Variants in MROH1 observed in about 807,000 individuals in gnomAD.
MROH1 encodes the protein maestro heat-like repeat-containing protein family member 1.
A neutral mutation model predicts 116.5 loss-of-function variants in MROH1; 117 were observed. The ratio of observed to expected loss-of-function variants is 1.00; its 90% CI spans 0.86 to 1.17. The LOEUF (loss-of-function observed/expected upper bound fraction) is 1.17. MROH1 is among the 50% of genes most tolerant of loss of function. The probability of loss-of-function intolerance (pLI) is 0.00; values close to 1 mark genes in which losing one functional copy is unlikely to be tolerated. For missense variants in MROH1, 1,873 were observed against 1,338.5 expected (o/e 1.40, Z -6.23); for synonymous variants, 921 against 583.9 (o/e 1.58, Z -8.32).
chr8:144,156,099 G>A (rs1233663194), intron 1 of MROH1, among the ~76,000 whole-genome samples: 2 of 151,994 alleles, frequency 1.3e-5, no homozygotes, highest in African/African-American at 2.4e-5. Context: ...TTAGCTGGGC[G>A]TGGGGCGCAT....
In MROH1 at chr8:144,180,506, G is replaced by T. The variant is rs774658345; in HGVS notation, c.545G>T (p.Arg182Leu). Reference sequence around the variant, plus strand: ...GGCGTGGCCAAGCAGGACACGGTGCGCGTGGCCTTCTGCTCCGGTAAGAGG... The same window carrying T: ...GGCGTGGCCAAGCAGGACACGGTGCTCGTGGCCTTCTGCTCCGGTAAGAGG... ...VLGVAKQDTV[R>L]VAFCSALQRF... The change falls in exon 7 of 44, where the codon CGC (arginine) becomes CTC (leucine). Residue 182 changes from arginine to leucine, a missense_variant. Physicochemically the swap from Arg to Leu is moderately radical, Grantham distance 102 (BLOSUM62 -2). Coordinates refer to ENST00000326134, the MANE Select transcript of MROH1 (RefSeq NM_032450.3). This position sits in a 1 kb window ranked among gnomAD's most constrained non-coding sequence, Gnocchi z 7.4. 10 of 1,610,738 alleles carry T rather than the reference G, an allele frequency of 6.2e-6. No homozygotes were observed. Among genetic ancestry groups the T allele is most frequent in the Admixed American group, 1.7e-5 (1 of 59,990 alleles).
At chr8:144,251,900 G>A in intron 33 of MROH1, 1 of 177,434 alleles carries the variant, frequency 5.6e-6, no homozygotes, top group Non-Finnish European at 1.2e-5. Context: ...GGTCTTCCCG[G>A]CCTCTGCTTA....
At chr8:144,195,217 A>AAAAAAAAAAAAAAAAAAAAC (rs1175557751) in intron 10 of MROH1, among the ~76,000 whole-genome samples, 1 of 141,046 alleles carries the variant, frequency 7.1e-6, no homozygotes. Context: ...AAAAAAAAAA[A>AAAAAAAAAAAAAAAAAAAAC]AAGGCCGAGT....
intron 4 of MROH1, among the ~76,000 whole-genome samples, chr8:144,169,351 C>G (rs919726301): frequency 1.3e-5 from 2 of 152,176 alleles, no homozygotes; most frequent in African/African-American, 4.8e-5. Context: ...ACTGCCGTGG[C>G]CTGGCGGCAC....
intron 14 of MROH1, among the ~76,000 whole-genome samples, chr8:144,224,206 C>T (rs1837360024): frequency 1.3e-5 from 2 of 152,042 alleles, no homozygotes; most frequent in Admixed American, 1.3e-4. Flanking sequence ...TTTTCTAAAA[C>T]CAAAAGAAAA....
intron 4 of MROH1, 134 bp downstream of exon 4, chr8:144,168,574 C>T (rs1210644881): frequency 3.9e-6 from 4 of 1,030,048 alleles, no homozygotes; most frequent in African/African-American, 3.1e-5. Context: ...GTCTAACCCC[C>T]TCCACACGTG....
chr8:144,208,405 G>GA (rs1174520379), intron 12 of MROH1, among the ~76,000 whole-genome samples: 1 of 16,916 alleles, frequency 5.9e-5, no homozygotes, highest in Non-Finnish European at 2.1e-4. Context: ...CTGGTGGGTG[G>GA]GGTTTTTTTT....
chr8:144,217,207 G>T (rs1835464314), intron 12 of MROH1, among the ~76,000 whole-genome samples: 1 of 152,190 alleles, frequency 6.6e-6, no homozygotes, highest in Non-Finnish European at 1.5e-5. Context: ...AGTCAGGAGT[G>T]ACAGGGGTGG....
intron 34 of MROH1, 120 bp downstream of exon 34, chr8:144,255,098 C>T: frequency 3.2e-6 from 2 of 619,226 alleles, no homozygotes; most frequent in East Asian, 2.7e-5. Context: ...CTGGAGGCAG[C>T]ACCGGGCTGG....
chr8:144,209,094 G>C lies in MROH1; in HGVS notation c.1141+8553G>C, dbSNP rs117534660. On this transcript the variant is annotated intron_variant, in intron 12 of 43. Coordinates refer to ENST00000326134, the MANE Select transcript of MROH1 (RefSeq NM_032450.3). ...GTGTGTTTAGTGGAGACGGAGTTTC[G>C]CCATGTTAGTCAGGCTGGTCTCAAA... 2.5e-3 allele frequency among the ~76,000 whole-genome samples: 375 copies of C among 148,968 alleles called. 14 individuals carry two copies. The East Asian group carries it at 0.069, about 28-fold the overall frequency.
chr8:144,195,390 T>C (rs1176391627), intron 10 of MROH1, among the ~76,000 whole-genome samples: 3 of 146,064 alleles, frequency 2.1e-5, no homozygotes, highest in African/African-American at 7.6e-5. Context: ...TAGTCCCAGC[T>C]ACTCGGGAGG....
chr8:144,255,771 C>T lies in MROH1; in HGVS notation c.3791+66C>T, dbSNP rs1006177473. ...AAGCACAGGCATGCGTGTGCACGCG[C>T]GTGGTGGGGGCGGACGGCAGATCTG... On this transcript the variant is annotated intron_variant, in intron 35 of 43. Transcript: ENST00000326134. 2.5e-4 allele frequency: 172 copies of T among 698,118 alleles called. 1 individual carries two copies. Among genetic ancestry groups the T allele is most frequent in the African/African-American group, 9.1e-4 (52 of 57,052 alleles). 43.2% of individuals were successfully genotyped at this position (698,118 alleles called of 1,614,324 possible). A position where few individuals can be genotyped will look rare whatever the true frequency, so the allele number is the denominator to read the frequency against.
rs1448941041 is a variant in MROH1, at chr8:144,232,772, C to G, written c.1339-5984C>G. Among the ~76,000 whole-genome samples the G allele has an allele frequency of 2.6e-5, 4 of 151,686 alleles. 1 individual carries two copies. The highest frequency in any genetic ancestry group is 2.6e-4 in the Admixed American group (4 of 15,224). On this transcript the variant is annotated intron_variant, in intron 14 of 43. Coordinates refer to ENST00000326134, the MANE Select transcript of MROH1 (RefSeq NM_032450.3). ...CCTCCCAAAGTGCTGGGATTACAGG[C>G]GTGAGCCACCGCACCTGGCCTATTT...
Position 144,156,978 on chromosome 8 carries a change from CAG to C in MROH1, c.-176-3989_-176-3988del, listed in dbSNP as rs1401153497. On this transcript the variant is annotated intron_variant, in intron 1 of 43. Coordinates refer to ENST00000326134, the MANE Select transcript of MROH1 (RefSeq NM_032450.3). ...TTGTATTAGTATTATTATTTTTAGA[CAG>C]AGTCTCACTGTGTTGCCCAGGCTGG... Among the ~76,000 whole-genome samples the C allele has an allele frequency of 4.6e-4, 69 of 151,278 alleles. 1 individual carries two copies. The highest frequency in any genetic ancestry group is 2.0e-3 in the Admixed American group (31 of 15,168).
Position 144,259,242 on chromosome 8 carries a change from C to T in MROH1, c.3932C>T (p.Ala1311Val), listed in dbSNP as rs1315703136. 6 of 713,574 alleles carry T rather than the reference C, an allele frequency of 8.4e-6. No homozygotes were observed. Among genetic ancestry groups the T allele is most frequent in the Non-Finnish European group, 1.6e-5 (6 of 384,852 alleles). The allele number at this position is 713,574 out of a possible 1,614,324, so 44.2% of individuals were successfully genotyped here. A position where few individuals can be genotyped will look rare whatever the true frequency, so the allele number is the denominator to read the frequency against. ...HEEGATRLAR[A>V]MAEHAGPRLP... Reference sequence around the variant, plus strand: ...CCCTCAGCGGCCCCCTTTCCCAGGGCCATGGCTGAGCACGCAGGGCCCCGA... The same window carrying T: ...CCCTCAGCGGCCCCCTTTCCCAGGGTCATGGCTGAGCACGCAGGGCCCCGA... The change falls in exon 37 of 44, where the codon GCC (alanine) becomes GTC (valine). Residue 1311 changes from alanine to valine, a missense_variant and splice_region_variant. Transcript: ENST00000326134.
At chr8:144,227,317 G>A (rs1837995515) in intron 14 of MROH1, among the ~76,000 whole-genome samples, 1 of 152,166 alleles carries the variant, frequency 6.6e-6, no homozygotes, top group Non-Finnish European at 1.5e-5. Context: ...GTTCCCATAA[G>A]GGGAACATAC....
chr8:144,260,566 G>T, intron 39 of MROH1, 111 bp from the exon 40 acceptor site: 1 of 761,762 alleles, frequency 1.3e-6, no homozygotes, highest in Non-Finnish European at 2.4e-6. Context: ...ACCCGTCGGG[G>T]TGTTTCCTGG....
chr8:144,255,892 C>T (rs934097593), intron 35 of MROH1, among the ~76,000 whole-genome samples, 187 bp downstream of exon 35: 41 of 151,924 alleles, frequency 2.7e-4, no homozygotes, highest in Non-Finnish European at 5.1e-4. Context: ...CATGGCCACC[C>T]TTCTCACACT....
At position 144,168,307 on chromosome 8, in the gene MROH1, C is replaced by T. The variant is rs1439415905; in HGVS notation, c.35C>T (p.Thr12Ile). Reference protein sequence around the residue: ...TESSMKKLASTLLDAITDKDP... With the variant: ...TESSMKKLASILLDAITDKDP... ...TTTGTCGCTGCAGAGCTGGCCTCCACCCTGCTGGACGCCATCACCGATAAG... is the reference window on the plus strand; with the variant it reads ...TTTGTCGCTGCAGAGCTGGCCTCCATCCTGCTGGACGCCATCACCGATAAG... Residue 12 changes from threonine (T) to isoleucine (I), a missense_variant, in exon 4 of 44, where the codon ACC becomes ATC. Coordinates refer to ENST00000326134, the MANE Select transcript of MROH1 (RefSeq NM_032450.3). The T allele has an allele frequency of 5.6e-6, 9 of 1,604,426 alleles. No individual in the cohort carries two copies. The highest frequency in any genetic ancestry group is 2.2e-5 in the East Asian group (1 of 44,788).
Sources: allele counts gnomAD v4.1 joint callset (sites outside exome capture counted in the v4.1 genomes callset), GRCh38; gene constraint gnomAD v4.1.1; non-coding constraint Gnocchi (gnomAD v3.1); transcripts MANE v1.5; gene names NCBI Gene and HGNC (gene_info 2026-07-23, HGNC 2026-07-21).